PTAR1: variants seen among roughly 807,000 people sequenced by gnomAD.
PTAR1 encodes the protein protein prenyltransferase alpha subunit repeat-containing protein 1.
In PTAR1, 17 loss-of-function variants were observed where a neutral mutation model predicts 45.5. The observed-to-expected ratio is 0.37, with a 90% CI of 0.26 to 0.56. The LOEUF is 0.56. Ranked by LOEUF, PTAR1 falls within the 20% of genes least tolerant of loss-of-function variation. The probability of loss-of-function intolerance (pLI) is 0.77; values close to 1 mark genes in which losing one functional copy is unlikely to be tolerated. For synonymous variants in PTAR1, 169 were observed against 171.3 expected, an observed-to-expected ratio of 0.99 and a Z score of 0.11; for missense variants, 391 against 476.3, an observed-to-expected ratio of 0.82 and a Z score of 1.67.
intron 6 of PTAR1, among the ~76,000 whole-genome samples, chr9:69,722,939 CAAA>C (rs35037746): frequency 2.0e-5 from 2 of 99,838 alleles, no homozygotes. Flanking sequence ...AACTCTATCT[CAAA>C]AAAAAAAAAA....
chr9:69,726,234 T>C (rs1825269409), intron 5 of PTAR1, among the ~76,000 whole-genome samples: 1 of 149,430 alleles, frequency 6.7e-6, no homozygotes. Context: ...TCTTTCAGGT[T>C]TTTTTCTATG....
intron 2 of PTAR1, among the ~76,000 whole-genome samples, chr9:69,748,622 CACTT>C (rs1167480574): frequency 6.6e-6 from 1 of 152,042 alleles, no homozygotes; most frequent in Non-Finnish European, 1.5e-5. Flanking sequence ...CAGAAACTGT[CACTT>C]AAATTGTCAT....
In PTAR1 at chr9:69,725,737, T is replaced by A. The variant is rs73461078; in HGVS notation, c.643-2107A>T. ...AACTTTAACTGGAATTTCAGGGTAT[T>A]CTCTTGTTAGAATAAAAAGATATAA... On this transcript the variant is annotated intron_variant, in intron 5 of 7. Coordinates refer to ENST00000340434, the MANE Select transcript of PTAR1 (RefSeq NM_001099666.2). Among the ~76,000 whole-genome samples, 1,370 of 152,130 alleles carry A rather than the reference T, an allele frequency of 9.0e-3. 18 individuals are homozygous for A. The highest frequency in any genetic ancestry group is 0.03 in the African/African-American group (1,242 of 41,534).
At chr9:69,731,341 G>A (rs1564133131) in intron 5 of PTAR1, among the ~76,000 whole-genome samples, 1 of 152,174 alleles carries the variant, frequency 6.6e-6, no homozygotes, top group Admixed American at 6.5e-5. Flanking sequence ...TCTCAAGCCT[G>A]AGAAGCTTTT....
intron 1 of PTAR1, among the ~76,000 whole-genome samples, chr9:69,755,909 T>C (rs1826753914): frequency 6.6e-6 from 1 of 152,196 alleles, no homozygotes; most frequent in African/African-American, 2.4e-5. Flanking sequence ...GTTTTACATA[T>C]ATTTTATTCT....
intron 6 of PTAR1, among the ~76,000 whole-genome samples, chr9:69,721,377 A>T (rs1476645233): frequency 6.6e-6 from 1 of 152,178 alleles, no homozygotes; most frequent in Non-Finnish European, 1.5e-5. Flanking sequence ...ATGCATGAGG[A>T]GTTGCTTTTT....
chr9:69,735,424 T>C (rs1369499648), intron 3 of PTAR1, among the ~76,000 whole-genome samples: 1 of 152,238 alleles, frequency 6.6e-6, no homozygotes, highest in Admixed American at 6.5e-5. Context: ...ATTCAGGGAC[T>C]AATGATAGGA....
intron 6 of PTAR1, 85 bp downstream of exon 6, chr9:69,723,241 C>T: frequency 1.8e-6 from 2 of 1,133,630 alleles, no homozygotes; most frequent in East Asian, 2.4e-5. Flanking sequence ...CCCAAGCAGG[C>T]AGGAATCAGG....
chr9:69,744,792 T>G (rs1826204421), intron 2 of PTAR1, among the ~76,000 whole-genome samples: 1 of 152,176 alleles, frequency 6.6e-6, no homozygotes, highest in Non-Finnish European at 1.5e-5. Context: ...ATGTTCAAAT[T>G]ATTCATTCAC....
intron 5 of PTAR1, among the ~76,000 whole-genome samples, chr9:69,730,073 T>C (rs1360087954): frequency 6.6e-6 from 1 of 152,158 alleles, no homozygotes; most frequent in Admixed American, 6.6e-5. Context: ...CAAAGCATAG[T>C]AGTAAATGTT....
Position 69,718,271 on chromosome 9 carries a change from C to T in PTAR1, c.*71G>A, listed in dbSNP as rs1003932779. 28 of 1,067,404 alleles carry T rather than the reference C, an allele frequency of 2.6e-5. No homozygotes were observed. In the South Asian group the frequency reaches 3.4e-4, roughly 13 times the overall value. The allele number at this position is 1,067,404 out of a possible 1,614,324, so 66.1% of individuals were successfully genotyped here. On this transcript the variant is annotated 3_prime_UTR_variant, in exon 8 of 8. Coordinates refer to ENST00000340434, the MANE Select transcript of PTAR1 (RefSeq NM_001099666.2). ...AGCCAATAATAGTAAACAGTTCATGCAACTATGTAAATAATAAAAGAAAGC... is the reference window on the plus strand; with the variant it reads ...AGCCAATAATAGTAAACAGTTCATGTAACTATGTAAATAATAAAAGAAAGC...
chr9:69,738,101 C>T lies in PTAR1; in HGVS notation c.323+3691G>A, dbSNP rs7848272. Among the ~76,000 whole-genome samples the T allele has an allele frequency of 4.2e-3, 642 of 152,290 alleles. 6 individuals are homozygous for T. The highest frequency in any genetic ancestry group is 0.015 in the African/African-American group (611 of 41,538). Reference sequence around the variant, plus strand: ...TTTGGTAGTTATGTCTCCTTATGCTCCTCTTGGCTACTCAAATTTACCTTG... The same window carrying T: ...TTTGGTAGTTATGTCTCCTTATGCTTCTCTTGGCTACTCAAATTTACCTTG... On this transcript the variant is annotated intron_variant, in intron 3 of 7. Transcript: ENST00000340434.
chr9:69,722,311 G>A (rs1025901120), intron 6 of PTAR1, among the ~76,000 whole-genome samples: 4 of 152,186 alleles, frequency 2.6e-5, no homozygotes, highest in African/African-American at 9.6e-5. Flanking sequence ...TATTTATGAA[G>A]ATGAAGATGC....
intron 1 of PTAR1, among the ~76,000 whole-genome samples, 179 bp from the exon 2 acceptor site, chr9:69,751,129 T>C (rs1267062188): frequency 3.3e-5 from 5 of 152,092 alleles, no homozygotes; most frequent in Non-Finnish European, 7.4e-5. Flanking sequence ...AAAACCAGTA[T>C]GCTGTACTCT....
In PTAR1 at chr9:69,736,512, G is replaced by A. The variant is rs147220965; in HGVS notation, c.324-2258C>T. Among the ~76,000 whole-genome samples the A allele has an allele frequency of 2.9e-3, 449 of 152,212 alleles. 8 individuals carry two copies. The East Asian group carries it at 0.044, about 15-fold the overall frequency. On this transcript the variant is annotated intron_variant, in intron 3 of 7. Transcript: ENST00000340434. ...GCAGAGGTTGCAGTGAGCCAAGATC[G>A]CGCCACTGCACTCCAGCCTGGCAAT...
rs145116421 is a variant in PTAR1, at chr9:69,751,939, A to G, written c.87-989T>C. Among the ~76,000 whole-genome samples the G allele has an allele frequency of 8.5e-4, 130 of 152,254 alleles. 1 individual carries two copies. Among genetic ancestry groups the G allele is most frequent in the African/African-American group, 3.0e-3 (123 of 41,576 alleles). ...ATTTGACTTACTTAGTAAATGAACC[A>G]GCAAACGTAAAAAATTTGTGCAAAA... On this transcript the variant is annotated intron_variant, in intron 1 of 7. Coordinates refer to ENST00000340434, the MANE Select transcript of PTAR1 (RefSeq NM_001099666.2).
chr9:69,716,785 T>A lies in PTAR1; in HGVS notation c.*1557A>T, dbSNP rs1238540460. 2.0e-5 allele frequency: 3 copies of A among 152,190 alleles called. No homozygotes were observed. The highest frequency in any genetic ancestry group is 4.4e-5 in the Non-Finnish European group (3 of 68,032). 9.4% of individuals were successfully genotyped at this position (152,190 alleles called of 1,614,324 possible). Reference sequence around the variant, plus strand: ...TTAGGGAAACTTTTAGAAGGGCCACTCTTCATATTTCTGGTATATGAATGT... The same window carrying A: ...TTAGGGAAACTTTTAGAAGGGCCACACTTCATATTTCTGGTATATGAATGT... On this transcript the variant is annotated 3_prime_UTR_variant, in exon 8 of 8. Transcript: ENST00000340434.
At chr9:69,722,530 G>A (rs897326860) in intron 6 of PTAR1, among the ~76,000 whole-genome samples, 1 of 152,126 alleles carries the variant, frequency 6.6e-6, no homozygotes, top group African/African-American at 2.4e-5. Flanking sequence ...CTTCAGGTAA[G>A]TTAATTTGCA....
chr9:69,750,728 A>G, intron 2 of PTAR1, 53 bp downstream of exon 2: 2 of 1,337,388 alleles, frequency 1.5e-6, no homozygotes. Context: ...TCTTCCTACT[A>G]TATTCCATGT....
Sources: gnomAD v4.1 joint callset for allele counts (sites outside exome capture counted in the v4.1 genomes callset) on GRCh38, gnomAD v4.1.1 for gene constraint, MANE v1.5 for transcripts, NCBI Gene and HGNC (gene_info 2026-07-23, HGNC 2026-07-21) for gene names.